The following FAM81B variants were observed in gnomAD, a reference collection of about 807,000 sequenced individuals.
The protein encoded by FAM81B is protein FAM81B.
In FAM81B, 60 loss-of-function variants were observed where a neutral mutation model predicts 58.7. The ratio of observed to expected loss-of-function variants is 1.02; its 90% CI spans 0.83 to 1.27. The LOEUF (loss-of-function observed/expected upper bound fraction) is 1.27. Ranked by LOEUF, FAM81B falls within the 50% of genes most tolerant of loss-of-function variation. FAM81B has a pLI of 0.00. For synonymous variants in FAM81B, 189 were observed against 179.6 expected, an observed-to-expected ratio of 1.05 and a Z score of -0.42; for missense variants, 491 against 522.0, an observed-to-expected ratio of 0.94 and a Z score of 0.58.
intron 5 of FAM81B, among the ~76,000 whole-genome samples, chr5:95,421,027 G>A (rs927217753): frequency 9.9e-5 from 15 of 151,956 alleles, no homozygotes; most frequent in South Asian, 2.1e-4. Context: ...TAATCCTCTC[G>A]GAATTAGATA....
intron 4 of FAM81B, among the ~76,000 whole-genome samples, chr5:95,418,845 T>C (rs1762605805): frequency 6.6e-6 from 1 of 152,140 alleles, no homozygotes. Context: ...AAATCTATAA[T>C]GATATATGAC....
chr5:95,437,806 G>A (rs1478547930), intron 7 of FAM81B, among the ~76,000 whole-genome samples: 1 of 151,542 alleles, frequency 6.6e-6, no homozygotes, highest in East Asian at 1.9e-4. Flanking sequence ...CATTTCCAGG[G>A]TCATGGTGCA....
chr5:95,428,559 G>A (rs1179511693), intron 5 of FAM81B, 44 bp from the exon 6 acceptor site: 3 of 1,608,794 alleles, frequency 1.9e-6, no homozygotes, highest in East Asian at 2.2e-5. Flanking sequence ...TGTTAAAAAT[G>A]TTATAAAGGT....
At chr5:95,397,231 C>G (rs1172967216) in intron 3 of FAM81B, among the ~76,000 whole-genome samples, 1 of 152,006 alleles carries the variant, frequency 6.6e-6, no homozygotes, top group Non-Finnish European at 1.5e-5. Context: ...TTCCACATAA[C>G]TTGTATTTGT....
At chr5:95,437,725 C>G (rs1030401435) in intron 7 of FAM81B, among the ~76,000 whole-genome samples, 1 of 152,168 alleles carries the variant, frequency 6.6e-6, no homozygotes, top group Non-Finnish European at 1.5e-5. Context: ...AAGGAGACAG[C>G]TCCACAAATG....
At position 95,420,402 on chromosome 5, in the gene FAM81B, G is replaced by A; in HGVS notation, c.656G>A (p.Arg219Lys). Residue 219 changes from arginine (R) to lysine (K), a missense_variant and splice_region_variant, in exon 5 of 10, where the codon AGA (arginine) becomes AAA (lysine). Coordinates refer to ENST00000283357, the MANE Select transcript of FAM81B (RefSeq NM_152548.3). The stretch of plus-strand genomic sequence containing the variant: ...GGAGATCTTCGAGGAAGAGTAGCCA[G>A]GTGAGAAGAAGCATGTTGACTAATG... ...GVGDLRGRVA[R>K]CDSSIVKLSG... 6.2e-7 allele frequency: 1 copy of A among 1,613,516 alleles called. No individual in the cohort carries two copies. Among genetic ancestry groups the A allele is most frequent in the Non-Finnish European group, 8.5e-7 (1 of 1,179,572 alleles).
At chr5:95,417,899 T>G (rs1762578809) in intron 4 of FAM81B, among the ~76,000 whole-genome samples, 1 of 152,210 alleles carries the variant, frequency 6.6e-6, no homozygotes, top group Admixed American at 6.5e-5. Context: ...TTTTTCTATC[T>G]TAATTGTATT....
chr5:95,411,823 A>C (rs906741503), intron 3 of FAM81B, among the ~76,000 whole-genome samples: 1 of 152,242 alleles, frequency 6.6e-6, no homozygotes, highest in African/African-American at 2.4e-5. Context: ...CACAAAGTCA[A>C]TGTTGTGATA....
intron 3 of FAM81B, among the ~76,000 whole-genome samples, chr5:95,410,382 G>T (rs1382853781): frequency 6.6e-6 from 1 of 152,076 alleles, no homozygotes; most frequent in African/African-American, 2.4e-5. Context: ...ACTCTCTCTG[G>T]ATTTCTGATA....
rs576845778 is a variant in FAM81B, at chr5:95,425,084, T to C, written c.657-3519T>C. Among the ~76,000 whole-genome samples, 3 of 151,776 alleles carry C rather than the reference T, an allele frequency of 2.0e-5. No individual in the cohort carries two copies. The East Asian group carries it at 5.8e-4, about 29-fold the overall frequency. ...TAGTTACTTTTCAATATAAAAATGA[T>C]TGTAGAAAAATTGTCGTATGACAGG... On this transcript the variant is annotated intron_variant, in intron 5 of 9. Coordinates refer to ENST00000283357, the MANE Select transcript of FAM81B (RefSeq NM_152548.3).
chr5:95,406,847 CCTTT>C (rs1762260054), intron 3 of FAM81B, among the ~76,000 whole-genome samples: 1 of 152,158 alleles, frequency 6.6e-6, no homozygotes, highest in African/African-American at 2.4e-5. Flanking sequence ...TAACTCATTT[CCTTT>C]CTTTCTGCAC....
At chr5:95,409,619 G>T (rs1762355973) in intron 3 of FAM81B, among the ~76,000 whole-genome samples, 1 of 152,028 alleles carries the variant, frequency 6.6e-6, no homozygotes, top group African/African-American at 2.4e-5. Flanking sequence ...TTATTTACCT[G>T]CATAGCATGA....
At chr5:95,410,106 A>G (rs761638669) in intron 3 of FAM81B, among the ~76,000 whole-genome samples, 1 of 152,222 alleles carries the variant, frequency 6.6e-6, no homozygotes, top group Non-Finnish European at 1.5e-5. Flanking sequence ...TAGAAAGGCT[A>G]TCTCGATTTA....
intron 3 of FAM81B, among the ~76,000 whole-genome samples, chr5:95,408,627 G>C (rs1762328399): frequency 6.6e-6 from 1 of 152,190 alleles, no homozygotes; most frequent in Non-Finnish European, 1.5e-5. Context: ...CTGGTCCACT[G>C]TTGTTAGCTG....
At chr5:95,419,882 T>G (rs559719648) in intron 4 of FAM81B, among the ~76,000 whole-genome samples, 1 of 152,332 alleles carries the variant, frequency 6.6e-6, no homozygotes, top group East Asian at 1.9e-4. Flanking sequence ...TGAAATACAT[T>G]TTTGTGAAAA....
intron 3 of FAM81B, among the ~76,000 whole-genome samples, chr5:95,398,857 G>A (rs1421349980): frequency 6.6e-6 from 1 of 152,194 alleles, no homozygotes; most frequent in Non-Finnish European, 1.5e-5. Context: ...TATTCTTACG[G>A]TGTAGCAGGA....
intron 3 of FAM81B, among the ~76,000 whole-genome samples, chr5:95,409,048 T>C (rs1762339713): frequency 6.6e-6 from 1 of 152,238 alleles, no homozygotes. Context: ...TTAAAAAGAA[T>C]GTAAAATATT....
At chr5:95,436,993 T>A (rs1745131371) in intron 7 of FAM81B, 87 bp downstream of exon 7, 2 of 1,025,788 alleles carry the variant, frequency 1.9e-6, no homozygotes, top group East Asian at 5.1e-5. Context: ...TAAAAACCTA[T>A]CCCAGGAATT....
intron 4 of FAM81B, among the ~76,000 whole-genome samples, chr5:95,417,675 C>A (rs1762571897): frequency 6.6e-6 from 1 of 152,126 alleles, no homozygotes; most frequent in Non-Finnish European, 1.5e-5. Flanking sequence ...GCAATCAGTT[C>A]TTTTCTAGGG....
Sources: allele counts gnomAD v4.1 joint callset (sites outside exome capture counted in the v4.1 genomes callset), GRCh38; gene constraint gnomAD v4.1.1; transcripts MANE v1.5; gene names NCBI Gene and HGNC (gene_info 2026-07-23, HGNC 2026-07-21).